TRIQK: variants seen among roughly 807,000 people sequenced by gnomAD.
The protein encoded by TRIQK is triple QxxK/R motif-containing protein.
A neutral mutation model predicts 10.8 loss-of-function variants in TRIQK; 10 were observed. The ratio of observed to expected loss-of-function variants is 0.92; its 90% confidence interval spans 0.57 to 1.57. The LOEUF is 1.57. Ranked by LOEUF, TRIQK falls within the 40% of genes most tolerant of loss-of-function variation. The pLI, the probability that TRIQK is intolerant of heterozygous loss-of-function variation, is 0.00. For synonymous variants in TRIQK, 33 were observed against 33.7 expected, an observed-to-expected ratio of 0.98 and a Z score of 0.07; for missense variants, 107 against 97.7, an observed-to-expected ratio of 1.09 and a Z score of -0.40.
At chr8:92,995,977 T>A (rs1008146902) in intron 1 of TRIQK, among the ~76,000 whole-genome samples, 1 of 152,108 alleles carries the variant, frequency 6.6e-6, no homozygotes, top group African/African-American at 2.4e-5. Context: ...GAGAAAGTGA[T>A]ATGTAACTAC....
intron 2 of TRIQK, among the ~76,000 whole-genome samples, chr8:92,927,301 G>A (rs1309854956): frequency 6.6e-6 from 1 of 152,068 alleles, no homozygotes; most frequent in Non-Finnish European, 1.5e-5. Context: ...TATAAAAAGT[G>A]GGTGACTTGA....
intron 1 of TRIQK, 61 bp from the exon 2 acceptor site, chr8:92,954,625 T>C (rs1812080118): frequency 6.6e-6 from 1 of 152,074 alleles, no homozygotes; most frequent in South Asian, 2.1e-4. Context: ...TCCCTAATAG[T>C]CCACAAATTT....
chr8:92,928,712 G>A lies in TRIQK; in HGVS notation c.-21-11702C>T, dbSNP rs143623004. 3.9e-4 allele frequency among the ~76,000 whole-genome samples: 60 copies of A among 152,330 alleles called. No individual in the cohort carries two copies. The East Asian group carries it at 9.5e-3, about 24-fold the overall frequency. ...GAAGTAGATGGGAGGCCTGAGCAGG[G>A]ACTGTGAAGCCCTTCAGCCTCTCTG... On this transcript the variant is annotated intron_variant, in intron 2 of 4. Coordinates refer to ENST00000521988, the MANE Select transcript of TRIQK (RefSeq NM_001171797.2).
At chr8:92,991,885 G>T (rs1392204697) in intron 1 of TRIQK, among the ~76,000 whole-genome samples, 1 of 152,090 alleles carries the variant, frequency 6.6e-6, no homozygotes, top group African/African-American at 2.4e-5. Flanking sequence ...GCCAAACCAT[G>T]AGTGAACTCC....
At chr8:92,986,979 C>T (rs1030450073) in intron 1 of TRIQK, among the ~76,000 whole-genome samples, 2 of 152,122 alleles carry the variant, frequency 1.3e-5, no homozygotes, top group African/African-American at 2.4e-5. Flanking sequence ...AAGTAACAGA[C>T]CTGTTTCCCC....
intron 1 of TRIQK, among the ~76,000 whole-genome samples, chr8:93,009,617 A>C (rs777527530): frequency 2.6e-5 from 4 of 152,110 alleles, no homozygotes; most frequent in Non-Finnish European, 5.9e-5. Flanking sequence ...CAAAAAAAAA[A>C]AGACAACAGA....
chr8:92,970,963 A>AT (rs1812868755), upstream of TRIQK, among the ~76,000 whole-genome samples: 1 of 152,048 alleles, frequency 6.6e-6, no homozygotes, highest in African/African-American at 2.4e-5. Flanking sequence ...ATCTTGAATT[A>AT]TTTTTTGTAT....
intron 1 of TRIQK, among the ~76,000 whole-genome samples, chr8:93,011,530 A>G (rs999518517): frequency 6.6e-6 from 1 of 152,150 alleles, no homozygotes; most frequent in Admixed American, 6.5e-5. Flanking sequence ...TTCTTTTAAA[A>G]GAAATATCAT....
intron 1 of TRIQK, among the ~76,000 whole-genome samples, chr8:92,992,949 CAGG>C (rs1813112496): frequency 6.6e-6 from 1 of 152,196 alleles, no homozygotes; most frequent in Admixed American, 6.5e-5. Context: ...AACAACCAGT[CAGG>C]AGAAGAATTG....
rs1243927984 is a variant in TRIQK, at chr8:92,886,010, T to C, written c.*612A>G. The C allele has an allele frequency of 6.6e-6, 1 of 151,682 alleles. No individual in the cohort carries two copies. The highest frequency in any genetic ancestry group is 1.5e-5 in the Non-Finnish European group (1 of 67,780). 9.4% of individuals were successfully genotyped at this position (151,682 alleles called of 1,614,324 possible). Reference sequence around the variant, plus strand: ...GCCCAAGAGGAAAAGAACTCTATTTTAGAGACATATGTGACTCTTTGAGCT... The same window carrying C: ...GCCCAAGAGGAAAAGAACTCTATTTCAGAGACATATGTGACTCTTTGAGCT... On this transcript the variant is annotated 3_prime_UTR_variant, in exon 5 of 5. Coordinates refer to ENST00000521988, the MANE Select transcript of TRIQK (RefSeq NM_001171797.2).
chr8:92,955,957 G>T (rs183790920), intron 1 of TRIQK, among the ~76,000 whole-genome samples: 45 of 151,850 alleles, frequency 3.0e-4, no homozygotes, highest in Admixed American at 2.9e-3. Context: ...TTCATACATT[G>T]CTGGTAGAAA....
At chr8:92,933,467 A>G (rs1300672281) in intron 2 of TRIQK, among the ~76,000 whole-genome samples, 2 of 152,096 alleles carry the variant, frequency 1.3e-5, no homozygotes, top group South Asian at 4.1e-4. Flanking sequence ...ACCTTATTTT[A>G]CACCTTATAG....
chr8:92,992,563 A>C (rs1455583027), intron 1 of TRIQK, among the ~76,000 whole-genome samples: 1 of 152,214 alleles, frequency 6.6e-6, no homozygotes, highest in Non-Finnish European at 1.5e-5. Context: ...GACTTCACAT[A>C]GAGATGACAC....
intron 1 of TRIQK, chr8:92,960,848 A>G (rs1812426342): frequency 6.6e-6 from 1 of 152,220 alleles, no homozygotes; most frequent in South Asian, 2.1e-4. Context: ...GTCAGATACT[A>G]AATTTGTGTT....
intron 1 of TRIQK, among the ~76,000 whole-genome samples, chr8:93,007,825 T>C (rs1388726518): frequency 6.6e-6 from 1 of 152,214 alleles, no homozygotes; most frequent in African/African-American, 2.4e-5. Context: ...ATCTAATCCC[T>C]GTCTAAATAA....
chr8:93,008,891 G>A (rs1586530705), intron 1 of TRIQK, among the ~76,000 whole-genome samples: 1 of 152,202 alleles, frequency 6.6e-6, no homozygotes, highest in African/African-American at 2.4e-5. Context: ...GGAAAACACA[G>A]AGGAAATGAT....
intron 3 of TRIQK, among the ~76,000 whole-genome samples, chr8:92,909,315 T>C (rs1228081205): frequency 1.3e-5 from 2 of 151,928 alleles, no homozygotes; most frequent in Admixed American, 1.3e-4. Flanking sequence ...ACCATCAGCA[T>C]AACGTACCTT....
intron 2 of TRIQK, among the ~76,000 whole-genome samples, chr8:92,918,783 C>G (rs567667673): frequency 1.3e-5 from 2 of 151,058 alleles, no homozygotes; most frequent in African/African-American, 2.4e-5. Flanking sequence ...TTACCCCCCC[C>G]CACAATTTTT....
chr8:92,946,569 A>T (rs1811543452), intron 2 of TRIQK, among the ~76,000 whole-genome samples: 1 of 152,160 alleles, frequency 6.6e-6, no homozygotes, highest in African/African-American at 2.4e-5. Flanking sequence ...AGCTCAGATC[A>T]GAAAATGAGA....
Sources: gnomAD v4.1 joint callset for allele counts (sites outside exome capture counted in the v4.1 genomes callset) on GRCh38, gnomAD v4.1.1 for gene constraint, MANE v1.5 for transcripts, NCBI Gene and HGNC (gene_info 2026-07-23, HGNC 2026-07-21) for gene names.